MYO9A: variants seen among roughly 807,000 people sequenced by gnomAD.
MYO9A encodes myosin IXA.
A neutral mutation model predicts 293.3 loss-of-function variants in MYO9A; 103 were observed. The observed-to-expected ratio is 0.35, with a 90% confidence interval of 0.30 to 0.41. MYO9A has a LOEUF of 0.41. Among genes scored for constraint, MYO9A ranks in the 10% least tolerant of loss-of-function variants. The pLI is 1.00. For synonymous variants in MYO9A, 1,001 were observed against 1,035.7 expected (o/e 0.97, Z 0.64); for missense variants, 2,685 against 3,033.0 (o/e 0.89, Z 2.69).
chr15:71,923,166 T>C (rs905274948), intron 18 of MYO9A, among the ~76,000 whole-genome samples: 1 of 152,222 alleles, frequency 6.6e-6, no homozygotes, highest in Admixed American at 6.5e-5. Context: ...ATTCTGTTAA[T>C]GTATCACATT....
chr15:72,028,208 T>C (rs2077734572), intron 3 of MYO9A, among the ~76,000 whole-genome samples: 1 of 59,704 alleles, frequency 1.7e-5, no homozygotes, highest in Non-Finnish European at 3.8e-5. Context: ...AAAAAATAAA[T>C]AAATAAATAA....
At chr15:71,937,620 G>A (rs975130381) in intron 16 of MYO9A, among the ~76,000 whole-genome samples, 1 of 152,204 alleles carries the variant, frequency 6.6e-6, no homozygotes, top group African/African-American at 2.4e-5. Context: ...AAATTTGTGT[G>A]ATTTGTTTTA....
chr15:71,968,993 A>T (rs568762921), intron 12 of MYO9A, among the ~76,000 whole-genome samples: 1 of 152,370 alleles, frequency 6.6e-6, no homozygotes, highest in African/African-American at 2.4e-5. Context: ...CATAGTATGC[A>T]TTGCAAACCA....
intron 18 of MYO9A, among the ~76,000 whole-genome samples, chr15:71,930,542 G>A (rs1000698201): frequency 4.0e-5 from 6 of 151,822 alleles, no homozygotes; most frequent in African/African-American, 9.7e-5. Context: ...TTTCATTTGC[G>A]TGGGATACTT....
intron 15 of MYO9A, among the ~76,000 whole-genome samples, chr15:71,948,589 T>C (rs2058975361): frequency 1.3e-5 from 2 of 152,152 alleles, no homozygotes; most frequent in East Asian, 3.9e-4. Context: ...ACAGAAACCA[T>C]ACTGGCCTAC....
At chr15:71,869,833 T>C (rs1054827940) in intron 32 of MYO9A, among the ~76,000 whole-genome samples, 1 of 152,158 alleles carries the variant, frequency 6.6e-6, no homozygotes, top group Non-Finnish European at 1.5e-5. Context: ...TCACTCAACA[T>C]TTACTCATTC....
intron 3 of MYO9A, among the ~76,000 whole-genome samples, chr15:72,032,156 C>G (rs1188549362): frequency 6.6e-6 from 1 of 152,126 alleles, no homozygotes; most frequent in African/African-American, 2.4e-5. Flanking sequence ...GGTGATCCAC[C>G]CACCTCAGCC....
At chr15:71,916,324 T>G (rs758360526) in intron 19 of MYO9A, 46 bp downstream of exon 19, 1 of 1,587,034 alleles carries the variant, frequency 6.3e-7, no homozygotes. Context: ...AATGACAATC[T>G]GAAAGATACA....
At chr15:71,885,392 C>T (rs776217809) in intron 27 of MYO9A, among the ~76,000 whole-genome samples, 36 of 151,998 alleles carry the variant, frequency 2.4e-4, no homozygotes, top group Admixed American at 5.2e-4. Context: ...CTCATGAAAA[C>T]TGTTTGATTT....
At position 72,077,752 on chromosome 15, in the gene MYO9A, A is replaced by AT. The variant is rs1156518210; in HGVS notation, c.-71-31119_-71-31118insA. On this transcript the variant is annotated intron_variant, in intron 1 of 41. Transcript: ENST00000356056. ...CTCAAAGAAAAAAAAAAAAAAAAAA[A>AT]ATATATATATATATATATATATATA... 2.5e-3 allele frequency among the ~76,000 whole-genome samples: 178 copies of AT among 72,418 alleles called. 2 individuals are homozygous for AT. The highest frequency in any genetic ancestry group is 0.013 in the African/African-American group (169 of 12,790). The allele number at this position is 72,418 out of a possible 152,430, so 47.5% of individuals were successfully genotyped here.
At chr15:71,868,017 C>G (rs748395058) in intron 32 of MYO9A, among the ~76,000 whole-genome samples, 4 of 152,140 alleles carry the variant, frequency 2.6e-5, no homozygotes, top group African/African-American at 7.2e-5. Context: ...AAAACAACAC[C>G]TATCATTTGT....
chr15:72,079,809 AT>A (rs1217906988), intron 1 of MYO9A, among the ~76,000 whole-genome samples: 1 of 152,228 alleles, frequency 6.6e-6, no homozygotes, highest in Non-Finnish European at 1.5e-5. Flanking sequence ...CTGAAGAGGA[AT>A]TTCAAAATGT....
chr15:71,876,425 ATTTTTTTTT>A (rs397854202), intron 31 of MYO9A, among the ~76,000 whole-genome samples: 8 of 61,072 alleles, frequency 1.3e-4, no homozygotes, highest in African/African-American at 5.1e-4. Context: ...CCTGGCTGGT[ATTTTTTTTT>A]TTTTTTTTTT....
intron 1 of MYO9A, among the ~76,000 whole-genome samples, chr15:72,100,153 C>T (rs1048666025): frequency 2.0e-5 from 3 of 152,052 alleles, no homozygotes; most frequent in Non-Finnish European, 4.4e-5. Flanking sequence ...GGTGCCGAGG[C>T]GGGCGGATCA....
chr15:72,008,436 G>GGTGT (rs57267628), intron 7 of MYO9A, among the ~76,000 whole-genome samples: 17,463 of 138,656 alleles, frequency 0.13, 1,142 homozygotes, highest in East Asian at 0.26. Context: ...GAGGTAAATG[G>GGTGT]GTGTGTGTGT....
At chr15:71,968,152 T>C (rs748596540) in intron 12 of MYO9A, 27 bp from the exon 13 acceptor site, 2 of 1,528,568 alleles carry the variant, frequency 1.3e-6, no homozygotes, top group African/African-American at 2.8e-5. Flanking sequence ...AGAAAAAATA[T>C]CATTACAGAA....
chr15:72,030,769 G>A (rs981352012), intron 3 of MYO9A, among the ~76,000 whole-genome samples: 5 of 152,018 alleles, frequency 3.3e-5, no homozygotes, highest in South Asian at 2.1e-4. Flanking sequence ...AATGATTTGC[G>A]TACCTCAGCC....
Position 71,860,969 on chromosome 15 carries a change from C to CAAAAAAAAAAAAAAAAAA in MYO9A, c.6092-1191_6092-1174dup, listed in dbSNP as rs61030744. Among the ~76,000 whole-genome samples, 38 of 32,414 alleles carry CAAAAAAAAAAAAAAAAAA rather than the reference C, an allele frequency of 1.2e-3. 1 individual carries two copies. The highest frequency in any genetic ancestry group is 2.8e-3 in the South Asian group (2 of 702). The allele number at this position is 32,414 out of a possible 152,430, so 21.3% of individuals were successfully genotyped here. A position where few individuals can be genotyped will look rare whatever the true frequency, so the allele number is the denominator to read the frequency against. Reference sequence around the variant, plus strand: ...GCAACAAAGTTAGACTCCATCTCACCAAAAAAAAAAAAAAAAAAAAAAAAA... The same window carrying CAAAAAAAAAAAAAAAAAA: ...GCAACAAAGTTAGACTCCATCTCACCAAAAAAAAAAAAAAAAAAAAAAAAAAAAAAAAAAAAAAAAAAA... On this transcript the variant is annotated intron_variant, in intron 33 of 41. Coordinates refer to ENST00000356056, the MANE Select transcript of MYO9A (RefSeq NM_006901.4).
Position 71,916,469 on chromosome 15 carries a change from T to C in MYO9A, c.2586A>G (p.Leu862=). 1 of 1,610,358 alleles carries C rather than the reference T, an allele frequency of 6.2e-7. No homozygotes were observed. The highest frequency in any genetic ancestry group is 8.5e-7 in the Non-Finnish European group (1 of 1,179,032). The change falls in exon 19 of 42, where the codon TTA becomes TTG. Residue 862 remains leucine (L), a synonymous_variant. Coordinates refer to ENST00000356056, the MANE Select transcript of MYO9A (RefSeq NM_006901.4). ...LPKHLLEVNS[L]KHLTRLTLQD... is the part of the protein sequence containing the mutation. ...GTAGTGTCAGTCTTGTCAGGTGCTT[T>C]AAAGAATTTACTTCTAGCAAGTGCT...
Sources: allele counts gnomAD v4.1 joint callset (sites outside exome capture counted in the v4.1 genomes callset), GRCh38; gene constraint gnomAD v4.1.1; transcripts MANE v1.5; gene names NCBI Gene and HGNC (gene_info 2026-07-23, HGNC 2026-07-21).